FADD: variants seen among roughly 807,000 people sequenced by gnomAD.
FADD encodes the protein Fas associated via death domain.
FADD carries 3 observed loss-of-function variants against 5.8 expected under a neutral mutation model. That is an observed-to-expected ratio of 0.52 (90% CI 0.24 to 1.34). FADD has a LOEUF of 1.34. Ranked by LOEUF, FADD falls within the 40% of genes most tolerant of loss-of-function variation. The probability of loss-of-function intolerance (pLI) is 0.17; values close to 1 mark genes in which losing one functional copy is unlikely to be tolerated. For synonymous variants in FADD, 138 were observed against 130.8 expected (o/e 1.06, Z -0.38); for missense variants, 249 against 286.7 (o/e 0.87, Z 0.95).
At chr11:70,205,241 G>A (rs978659478) in intron 1 of FADD, among the ~76,000 whole-genome samples, 13 of 152,136 alleles carry the variant, frequency 8.5e-5, no homozygotes, top group Non-Finnish European at 1.9e-4. Flanking sequence ...TTCCAGAAGC[G>A]GCCTTTTATG....
Position 70,206,298 on chromosome 11 carries a change from C to T in FADD, c.452C>T (p.Thr151Ile), listed in dbSNP as rs150178083. Reference protein sequence around the residue: ...VRESLRIWKNTEKENATVAHL... With the variant: ...VRESLRIWKNIEKENATVAHL... Reference sequence around the variant, plus strand: ...GAGTCACTGAGAATCTGGAAGAACACAGAGAAGGAGAACGCAACAGTGGCC... The same window carrying T: ...GAGTCACTGAGAATCTGGAAGAACATAGAGAAGGAGAACGCAACAGTGGCC... Residue 151 changes from threonine (T) to isoleucine (I), a missense_variant, in exon 2 of 2, where the codon ACA becomes ATA. Physicochemically the swap from Thr to Ile is moderately conservative, Grantham distance 89. Transcript: ENST00000301838. 158 of 1,614,050 alleles carry T rather than the reference C, an allele frequency of 9.8e-5. No individual in the cohort carries two copies. The highest frequency in any genetic ancestry group is 1.2e-4 in the Non-Finnish European group (143 of 1,180,036).
chr11:70,204,701 T>C (rs1351969370), intron 1 of FADD, among the ~76,000 whole-genome samples: 1 of 152,042 alleles, frequency 6.6e-6, no homozygotes, highest in African/African-American at 2.4e-5. Context: ...AGCAGTCAAG[T>C]CCAGATTTTA....
Position 70,203,323 on chromosome 11 carries a change from A to G in FADD, c.-137A>G. 1.4e-6 allele frequency: 2 copies of G among 1,446,542 alleles called. No individual in the cohort carries two copies. Among genetic ancestry groups the G allele is most frequent in the African/African-American group, 1.5e-5 (1 of 68,936 alleles). The allele number at this position is 1,446,542 out of a possible 1,614,324, so 89.6% of individuals were successfully genotyped here. Reference sequence around the variant, plus strand: ...TCTTGTCGATTTCCTGTAGTGAATCAGGCACCGGAGTGCAGGTTCGGGGGT... The same window carrying G: ...TCTTGTCGATTTCCTGTAGTGAATCGGGCACCGGAGTGCAGGTTCGGGGGT... On this transcript the variant is annotated 5_prime_UTR_variant, in exon 1 of 2. Coordinates refer to ENST00000301838, the MANE Select transcript of FADD (RefSeq NM_003824.4).
In FADD at chr11:70,203,372, G is replaced by A; in HGVS notation, c.-88G>A. ...GTGGAATCCTTGGGCCGCTGGGCAAGCGGCGAGACCTGGCCAGGGCCAGCG... is the reference window on the plus strand; with the variant it reads ...GTGGAATCCTTGGGCCGCTGGGCAAACGGCGAGACCTGGCCAGGGCCAGCG... On this transcript the variant is annotated 5_prime_UTR_variant, in exon 1 of 2. Transcript: ENST00000301838. The A allele has an allele frequency of 6.5e-7, 1 of 1,530,584 alleles. No individual in the cohort carries two copies. The allele number at this position is 1,530,584 out of a possible 1,614,324, so 94.8% of individuals were successfully genotyped here. A position where few individuals can be genotyped will look rare whatever the true frequency, so the allele number is the denominator to read the frequency against.
In FADD at chr11:70,203,559, C is replaced by T. The variant is rs2135898029; in HGVS notation, c.100C>T (p.Arg34Cys). 6.2e-7 allele frequency: 1 copy of T among 1,612,526 alleles called. No homozygotes were observed. Among genetic ancestry groups the T allele is most frequent in the Non-Finnish European group, 8.5e-7 (1 of 1,179,654 alleles). The change falls in exon 1 of 2, where the codon CGC (arginine) becomes TGC (cysteine). Residue 34 changes from arginine (R) to cysteine (C), a missense_variant. Transcript: ENST00000301838. ...KFLCLGRVGK[R>C]KLERVQSGLD... ...CCTATGCCTCGGGCGCGTGGGCAAG[C>T]GCAAGCTGGAGCGCGTGCAGAGCGG... is the stretch of plus-strand genomic sequence containing the variant.
chr11:70,205,158 C>T (rs1382311962), intron 1 of FADD, among the ~76,000 whole-genome samples: 1 of 152,196 alleles, frequency 6.6e-6, no homozygotes, highest in African/African-American at 2.4e-5. Flanking sequence ...GCTGGTACAC[C>T]TGCCAACGGT....
At position 70,203,394 on chromosome 11, in the gene FADD, A is replaced by C; in HGVS notation, c.-66A>C. On this transcript the variant is annotated 5_prime_UTR_variant, in exon 1 of 2. Coordinates refer to ENST00000301838, the MANE Select transcript of FADD (RefSeq NM_003824.4). ...CAAGCGGCGAGACCTGGCCAGGGCCAGCGAGCCGAGGACAGAGGGCGCACG... is the reference window on the plus strand; with the variant it reads ...CAAGCGGCGAGACCTGGCCAGGGCCCGCGAGCCGAGGACAGAGGGCGCACG... 1 of 1,544,320 alleles carries C rather than the reference A, an allele frequency of 6.5e-7. No homozygotes were observed. The highest frequency in any genetic ancestry group is 1.2e-5 in the South Asian group (1 of 83,428).
intron 1 of FADD, 66 bp downstream of exon 1, chr11:70,203,811 C>T: frequency 1.3e-6 from 1 of 775,062 alleles, no homozygotes; most frequent in Non-Finnish European, 1.8e-6. Flanking sequence ...TGCGAGGCTC[C>T]TCCGGTTGGC....
In FADD at chr11:70,203,345, G is replaced by A. The variant is rs41268209; in HGVS notation, c.-115G>A. The A allele has an allele frequency of 2.4e-5, 37 of 1,511,080 alleles. No individual in the cohort carries two copies. Among genetic ancestry groups the A allele is most frequent in the Admixed American group, 4.5e-5 (2 of 44,678 alleles). The allele number at this position is 1,511,080 out of a possible 1,614,324, so 93.6% of individuals were successfully genotyped here. A position where few individuals can be genotyped will look rare whatever the true frequency, so the allele number is the denominator to read the frequency against. On this transcript the variant is annotated 5_prime_UTR_variant, in exon 1 of 2. Coordinates refer to ENST00000301838, the MANE Select transcript of FADD (RefSeq NM_003824.4). ...ATCAGGCACCGGAGTGCAGGTTCGG[G>A]GGTGGAATCCTTGGGCCGCTGGGCA...
intron 1 of FADD, among the ~76,000 whole-genome samples, 167 bp from the exon 2 acceptor site, chr11:70,205,966 T>C (rs1380530675): frequency 7.3e-5 from 4 of 54,472 alleles, no homozygotes. Context: ...TCTTGGGCAT[T>C]TGGTGCAGCC....
Position 70,206,497 on chromosome 11 carries a change from G to A in FADD, c.*24G>A. On this transcript the variant is annotated 3_prime_UTR_variant, in exon 2 of 2. Transcript: ENST00000301838. The stretch of plus-strand genomic sequence containing the variant: ...GATGGGCCGCTGCTTTGCGCTGGTG[G>A]ACCACAGGCATCTACACAGCCTGGA... 1 of 1,604,866 alleles carries A rather than the reference G, an allele frequency of 6.2e-7. No homozygotes were observed. The highest frequency in any genetic ancestry group is 8.5e-7 in the Non-Finnish European group (1 of 1,173,634).
chr11:70,206,276 T>C lies in FADD; in HGVS notation c.430T>C (p.Ser144Pro), dbSNP rs1222437578. The C allele has an allele frequency of 6.2e-7, 1 of 1,612,660 alleles. No individual in the cohort carries two copies. ...PRNLTERVRE[S>P]LRIWKNTEKE... ...CAACCTGACAGAGCGTGTGCGGGAGTCACTGAGAATCTGGAAGAACACAGA... is the reference window on the plus strand; with the variant it reads ...CAACCTGACAGAGCGTGTGCGGGAGCCACTGAGAATCTGGAAGAACACAGA... The change falls in exon 2 of 2, where the codon TCA (serine) becomes CCA (proline). Residue 144 changes from serine to proline, a missense_variant. Physicochemically the swap from Ser to Pro is moderately conservative, Grantham distance 74. Coordinates refer to ENST00000301838, the MANE Select transcript of FADD (RefSeq NM_003824.4).
Position 70,206,216 on chromosome 11 carries a change from A to G in FADD, c.370A>G (p.Thr124Ala). 6.2e-7 allele frequency: 1 copy of G among 1,614,204 alleles called. No homozygotes were observed. Among genetic ancestry groups the G allele is most frequent in the Non-Finnish European group, 8.5e-7 (1 of 1,180,038 alleles). ...GGCTCGTCAGCTCAAAGTCTCAGAC[A>G]CCAAGATCGACAGCATCGAGGACAG... is the stretch of plus-strand genomic sequence containing the variant. ...RLARQLKVSD[T>A]KIDSIEDRYP... The change falls in exon 2 of 2, where the codon ACC becomes GCC. Residue 124 changes from threonine to alanine, a missense_variant. Coordinates refer to ENST00000301838, the MANE Select transcript of FADD (RefSeq NM_003824.4).
chr11:70,203,444 G>A lies in FADD; in HGVS notation c.-16G>A, dbSNP rs771023149. On this transcript the variant is annotated 5_prime_UTR_variant, in exon 1 of 2. Coordinates refer to ENST00000301838, the MANE Select transcript of FADD (RefSeq NM_003824.4). ...GGAGGGCCGGGCCGCAGCCCCGGCCGCTTGCAGACCCCGCCATGGACCCGT... is the reference window on the plus strand; with the variant it reads ...GGAGGGCCGGGCCGCAGCCCCGGCCACTTGCAGACCCCGCCATGGACCCGT... The A allele has an allele frequency of 2.6e-6, 4 of 1,561,814 alleles. No homozygotes were observed. Among genetic ancestry groups the A allele is most frequent in the Non-Finnish European group, 3.5e-6 (4 of 1,153,590 alleles).
At chr11:70,205,832 G>A (rs773762765) in intron 1 of FADD, among the ~76,000 whole-genome samples, 36 of 152,170 alleles carry the variant, frequency 2.4e-4, no homozygotes, top group Non-Finnish European at 4.9e-4. Context: ...CCCTCCCTCA[G>A]TGTCTCCTGC....
At position 70,203,397 on chromosome 11, in the gene FADD, G is replaced by A. The variant is rs2049436186; in HGVS notation, c.-63G>A. The A allele has an allele frequency of 5.2e-6, 8 of 1,545,018 alleles. No homozygotes were observed. Among genetic ancestry groups the A allele is most frequent in the Non-Finnish European group, 7.0e-6 (8 of 1,145,202 alleles). The stretch of plus-strand genomic sequence containing the variant: ...GCGGCGAGACCTGGCCAGGGCCAGC[G>A]AGCCGAGGACAGAGGGCGCACGGAG... On this transcript the variant is annotated 5_prime_UTR_variant, in exon 1 of 2. Transcript: ENST00000301838.
In FADD at chr11:70,203,540, C is replaced by T. The variant is rs749690212; in HGVS notation, c.81C>T (p.Cys27=). ...AGCTGACCGAGCTCAAGTTCCTATG[C>T]CTCGGGCGCGTGGGCAAGCGCAAGC... The part of the protein sequence containing the change: ...SSELTELKFL[C]LGRVGKRKLE... Residue 27 remains cysteine (C), a synonymous_variant, in exon 1 of 2, where the codon TGC becomes TGT. Transcript: ENST00000301838. The T allele has an allele frequency of 2.3e-5, 37 of 1,611,990 alleles. No homozygotes were observed. Among genetic ancestry groups the T allele is most frequent in the African/African-American group, 4.0e-5 (3 of 74,900 alleles).
Position 70,206,535 on chromosome 11 carries a change from C to A in FADD, c.*62C>A. 6.6e-7 allele frequency: 1 copy of A among 1,506,844 alleles called. No individual in the cohort carries two copies. Among genetic ancestry groups the A allele is most frequent in the East Asian group, 2.3e-5 (1 of 43,446 alleles). 93.3% of individuals were successfully genotyped at this position (1,506,844 alleles called of 1,614,324 possible). On this transcript the variant is annotated 3_prime_UTR_variant, in exon 2 of 2. Coordinates refer to ENST00000301838, the MANE Select transcript of FADD (RefSeq NM_003824.4). ...TACACAGCCTGGACTTTGGTTCTCT[C>A]CAGGAAGGTAGCCCAGCACTGTGAA...
chr11:70,206,273 G>T lies in FADD; in HGVS notation c.427G>T (p.Glu143Ter). 6.2e-7 allele frequency: 1 copy of T among 1,614,186 alleles called. No individual in the cohort carries two copies. Among genetic ancestry groups the T allele is most frequent in the Non-Finnish European group, 8.5e-7 (1 of 1,180,030 alleles). ...CCGCAACCTGACAGAGCGTGTGCGG[G>T]AGTCACTGAGAATCTGGAAGAACAC... ...YPRNLTERVR[E>*]SLRIWKNTEK... The change falls in exon 2 of 2, where the codon GAG becomes TAG. Residue 143 changes from glutamate to a stop codon, truncating the protein, a stop_gained. Transcript: ENST00000301838. LOFTEE classifies it low-confidence loss of function (END_TRUNC).
Sources: allele counts gnomAD v4.1 joint callset (sites outside exome capture counted in the v4.1 genomes callset), GRCh38; gene constraint gnomAD v4.1.1; transcripts MANE v1.5; gene names NCBI Gene and HGNC (gene_info 2026-07-23, HGNC 2026-07-21).